The following PRL variants were observed in gnomAD, a reference collection of about 807,000 sequenced individuals.
The protein encoded by PRL is prolactin.
A neutral mutation model predicts 21.3 loss-of-function variants in PRL; 24 were observed. The ratio of observed to expected loss-of-function variants is 1.13; its 90% CI spans 0.82 to 1.59. The LOEUF (loss-of-function observed/expected upper bound fraction) is 1.59, where lower values mean the gene tolerates loss of function less well. Ranked by LOEUF, PRL falls within the 40% of genes most tolerant of loss-of-function variation. The pLI, the probability that PRL is intolerant of heterozygous loss-of-function variation, is 0.00. For synonymous variants in PRL, 118 were observed against 115.7 expected (o/e 1.02, Z -0.13); for missense variants, 243 against 286.9 (o/e 0.85, Z 1.10).
chr6:22,300,859 G>C (rs1166740587), upstream of PRL, among the ~76,000 whole-genome samples: 2 of 152,030 alleles, frequency 1.3e-5, no homozygotes, highest in African/African-American at 4.8e-5. Context: ...ATATCCTCTG[G>C]TCTAGTTCTA....
At chr6:22,290,048 T>A in intron 4 of PRL, 126 bp downstream of exon 4, 3 of 867,076 alleles carry the variant, frequency 3.5e-6, no homozygotes, top group Non-Finnish European at 4.8e-6. Flanking sequence ...GGCTCTTGCT[T>A]TATTTAATAG....
intron 4 of PRL, among the ~76,000 whole-genome samples, chr6:22,289,168 G>C (rs1420583153): frequency 6.6e-6 from 1 of 152,052 alleles, no homozygotes; most frequent in Non-Finnish European, 1.5e-5. Context: ...AAAATAACTG[G>C]AAAATCAAGG....
chr6:22,287,566 T>C lies in PRL; in HGVS notation c.520A>G (p.Ile174Val), dbSNP rs1472067934. ...GGAAGTCCCGACCAGACAGGGTAGA[T>C]CTCATTTTCTTTGGTTTCAGGATGA... ...QVHPETKENEIYPVWSGLPSL... is the reference protein window; with the variant it reads ...QVHPETKENEVYPVWSGLPSL... Residue 174 changes from isoleucine (I) to valine (V), a missense_variant, in exon 5 of 5, where the codon ATC becomes GTC. Physicochemically the swap from Ile to Val is conservative, Grantham distance 29 (BLOSUM62 3). Transcript: ENST00000306482. 1.2e-6 allele frequency: 2 copies of C among 1,610,178 alleles called. No individual in the cohort carries two copies. The highest frequency in any genetic ancestry group is 1.1e-5 in the South Asian group (1 of 90,274).
At chr6:22,290,408 GTTAC>G (rs1761028054) in intron 3 of PRL, 55 bp from the exon 4 acceptor site, 1 of 1,361,702 alleles carries the variant, frequency 7.3e-7, no homozygotes, top group African/African-American at 1.4e-5. Flanking sequence ...AATGGGGTTA[GTTAC>G]TTGTGATTTT....
chr6:22,292,671 T>C, intron 2 of PRL, 26 bp from the exon 3 acceptor site: 1 of 1,586,656 alleles, frequency 6.3e-7, no homozygotes, highest in Non-Finnish European at 8.6e-7. Context: ...CAAATTCAAT[T>C]AGTTGGGGTT....
chr6:22,295,451 G>C (rs763058782), intron 1 of PRL, among the ~76,000 whole-genome samples: 3 of 152,164 alleles, frequency 2.0e-5, no homozygotes, highest in Non-Finnish European at 2.9e-5. Context: ...AGCCGTGATG[G>C]CTCAGTGTTT....
intron 4 of PRL, among the ~76,000 whole-genome samples, chr6:22,289,020 C>A (rs1221822777): frequency 6.6e-6 from 1 of 151,770 alleles, no homozygotes; most frequent in East Asian, 1.9e-4. Context: ...GGTACTTGAG[C>A]CCTAAGACAA....
Position 22,290,326 on chromosome 6 carries a change from T to C in PRL, c.340A>G (p.Ser114Gly). The change falls in exon 4 of 5, where the codon AGC (serine) becomes GGC (glycine). Residue 114 changes from serine to glycine, a missense_variant. Ser to Gly is a moderately conservative substitution (Grantham distance 56). Coordinates refer to ENST00000306482, the MANE Select transcript of PRL (RefSeq NM_000948.6). Reference sequence around the variant, plus strand: ...GGCTCATTCCAGGATCGCAATATGCTGACTATCAGGCTCAGAAAGTCTTTT... The same window carrying C: ...GGCTCATTCCAGGATCGCAATATGCCGACTATCAGGCTCAGAAAGTCTTTT... ...NQKDFLSLIVSILRSWNEPLY... is the reference protein window; with the variant it reads ...NQKDFLSLIVGILRSWNEPLY... The C allele has an allele frequency of 6.2e-7, 1 of 1,603,648 alleles. No individual in the cohort carries two copies. Among genetic ancestry groups the C allele is most frequent in the Admixed American group, 1.7e-5 (1 of 59,676 alleles).
upstream of PRL, among the ~76,000 whole-genome samples, chr6:22,301,767 T>C (rs1761285891): frequency 6.6e-6 from 1 of 152,210 alleles, no homozygotes; most frequent in African/African-American, 2.4e-5. Context: ...TTTTTTTTTC[T>C]TATTTATTCA....
chr6:22,297,044 T>C, upstream of PRL: 1 of 1,568,802 alleles, frequency 6.4e-7, no homozygotes, highest in Non-Finnish European at 8.8e-7. Context: ...CACGGTTTTC[T>C]CTTTCCCAGA....
chr6:22,289,711 C>G (rs1014006598), intron 4 of PRL, among the ~76,000 whole-genome samples: 3 of 152,164 alleles, frequency 2.0e-5, no homozygotes, highest in Non-Finnish European at 4.4e-5. Context: ...CCTGACAAGT[C>G]TGTGCAGCAG....
In PRL at chr6:22,292,522, T is replaced by C; in HGVS notation, c.312+16A>G. ...GCCTTGGTTGTTTTGGTGCAAAGCC[T>C]GGATGAAGGACTCACATTCATCTGT... On this transcript the variant is annotated intron_variant, in intron 3 of 4. Transcript: ENST00000306482. The C allele has an allele frequency of 6.2e-7, 1 of 1,608,750 alleles. No individual in the cohort carries two copies. The highest frequency in any genetic ancestry group is 1.1e-5 in the South Asian group (1 of 90,926).
chr6:22,287,968 G>A lies in PRL; in HGVS notation c.493-375C>T, dbSNP rs951104673. On this transcript the variant is annotated intron_variant, in intron 4 of 4. Transcript: ENST00000306482. ...TCATTTCTCCAGTCTTGTCCCTGAT[G>A]TATCCCTTGTGCTTTATTCTTCCTG... Among the ~76,000 whole-genome samples the A allele has an allele frequency of 8.5e-5, 13 of 152,160 alleles. 1 individual carries two copies. The highest frequency in any genetic ancestry group is 8.5e-4 in the Admixed American group (13 of 15,282).
upstream of PRL, among the ~76,000 whole-genome samples, chr6:22,301,593 A>G (rs1373877517): frequency 6.6e-6 from 1 of 152,178 alleles, no homozygotes; most frequent in Non-Finnish European, 1.5e-5. Context: ...AACTTCCCCC[A>G]CTGCCAATTT....
rs1761145808 is a variant in PRL, at chr6:22,295,014, A to G, written c.29-430T>C. Among the ~76,000 whole-genome samples the G allele has an allele frequency of 2.6e-5, 4 of 152,250 alleles. No homozygotes were observed. In the Middle Eastern group the frequency reaches 0.01, roughly 388 times the overall value. The stretch of plus-strand genomic sequence containing the variant: ...CTGATAATTTACATTGTAGACACTG[A>G]TATAACAAAAACAGTACAGTCGATC... On this transcript the variant is annotated intron_variant, in intron 1 of 4. Coordinates refer to ENST00000306482, the MANE Select transcript of PRL (RefSeq NM_000948.6).
chr6:22,291,431 T>C (rs557377691), intron 3 of PRL, among the ~76,000 whole-genome samples: 2 of 152,168 alleles, frequency 1.3e-5, no homozygotes, highest in Non-Finnish European at 2.9e-5. Flanking sequence ...TACCTTGTGT[T>C]ATAGGATTTT....
intron 2 of PRL, among the ~76,000 whole-genome samples, chr6:22,293,169 C>A (rs1193050276): frequency 6.6e-6 from 1 of 152,148 alleles, no homozygotes; most frequent in Non-Finnish European, 1.5e-5. Context: ...TTACCAAGTT[C>A]ATGATAGAAA....
At chr6:22,294,376 C>T (rs752847063) in intron 2 of PRL, 33 bp downstream of exon 2, 1 of 1,613,294 alleles carries the variant, frequency 6.2e-7, no homozygotes, top group East Asian at 2.2e-5. Context: ...GTGAAGGCTC[C>T]TTCAGGGAGG....
chr6:22,297,174 G>T, upstream of PRL: 1 of 602,164 alleles, frequency 1.7e-6, no homozygotes, highest in Non-Finnish European at 2.9e-6. Flanking sequence ...ACATCAAATG[G>T]TATTTTATTT....
Sources: gnomAD v4.1 joint callset for allele counts (sites outside exome capture counted in the v4.1 genomes callset) on GRCh38, gnomAD v4.1.1 for gene constraint, MANE v1.5 for transcripts, NCBI Gene and HGNC (gene_info 2026-07-23, HGNC 2026-07-21) for gene names.